The following SUN1 variants were observed in gnomAD, a reference collection of about 807,000 sequenced individuals.
The protein encoded by SUN1 is Sad1 and UNC84 domain containing 1, also known as SUN domain-containing protein 1.
In SUN1, 61 loss-of-function variants were observed where a neutral mutation model predicts 103.2. The observed-to-expected ratio is 0.59, with a 90% CI of 0.48 to 0.73. SUN1 has a LOEUF of 0.73. Ranked by LOEUF, SUN1 falls within the 30% of genes least tolerant of loss-of-function variation. The pLI, the probability that SUN1 is intolerant of heterozygous loss-of-function variation, is 0.00. For missense variants in SUN1, 1,052 were observed against 1,034.6 expected, an observed-to-expected ratio of 1.02 and a Z score of -0.23; for synonymous variants, 490 against 425.7, an observed-to-expected ratio of 1.15 and a Z score of -1.86.
At chr7:835,742 T>C (rs1213942282) in intron 1 of SUN1, among the ~76,000 whole-genome samples, 1 of 152,234 alleles carries the variant, frequency 6.6e-6, no homozygotes, top group African/African-American at 2.4e-5. Context: ...TGTTGTCAGC[T>C]TGACCCACCC....
intron 17 of SUN1, among the ~76,000 whole-genome samples, chr7:871,183 C>G (rs1211491652): frequency 3.9e-5 from 6 of 152,166 alleles, no homozygotes; most frequent in African/African-American, 1.4e-4. Flanking sequence ...TTTATTTAAT[C>G]TGCATTTCTC....
chr7:821,713 G>A (rs1786217744), intron 1 of SUN1, among the ~76,000 whole-genome samples: 1 of 152,160 alleles, frequency 6.6e-6, no homozygotes, highest in South Asian at 2.1e-4. Flanking sequence ...CAGCGTTTCA[G>A]GGTGAGGTGA....
At chr7:828,023 C>T (rs1202442873), upstream of SUN1, among the ~76,000 whole-genome samples, 6 of 151,966 alleles carry the variant, frequency 3.9e-5, no homozygotes, top group Non-Finnish European at 5.9e-5. Flanking sequence ...CGTGCCTCAG[C>T]CTCCCGAGTA....
At chr7:842,194 GGA>G in intron 3 of SUN1, 64 bp downstream of exon 3, 1 of 1,557,656 alleles carries the variant, frequency 6.4e-7, no homozygotes. Flanking sequence ...ATTATGCTGG[GGA>G]GAGGGGAGGC....
Position 868,218 on chromosome 7 carries a change from G to A in SUN1, c.1981-1131G>A, listed in dbSNP as rs548777495. 1.4e-4 allele frequency among the ~76,000 whole-genome samples: 22 copies of A among 152,372 alleles called. 1 individual carries two copies. Among genetic ancestry groups the A allele is most frequent in the Admixed American group, 1.3e-3 (20 of 15,314 alleles). On this transcript the variant is annotated intron_variant, in intron 16 of 18. Coordinates refer to ENST00000401592, the MANE Select transcript of SUN1 (RefSeq NM_001130965.3). Reference sequence around the variant, plus strand: ...CGTGCACGGTCTCCTCCTCCGTTGCGCACAGCAACGTGGCTGCCTGGGCGC... The same window carrying A: ...CGTGCACGGTCTCCTCCTCCGTTGCACACAGCAACGTGGCTGCCTGGGCGC...
rs543787115 is a variant in SUN1, at chr7:822,359, C to T, written c.-74+5686C>T. Among the ~76,000 whole-genome samples, 24 of 152,236 alleles carry T rather than the reference C, an allele frequency of 1.6e-4. 1 individual carries two copies. The highest frequency in any genetic ancestry group is 5.5e-4 in the African/African-American group (23 of 41,524). On this transcript the variant is annotated intron_variant, in intron 1 of 17. Transcript: ENST00000389574. ...AATGGCTGTAGGTTGTGAGTTTAGG[C>T]GGTAACATCTGTGTGACAGACACTT... is the stretch of plus-strand genomic sequence containing the variant.
chr7:859,794 G>A (rs1046868561), intron 13 of SUN1, among the ~76,000 whole-genome samples: 3 of 152,306 alleles, frequency 2.0e-5, no homozygotes, highest in African/African-American at 7.2e-5. Flanking sequence ...GGGCCTCTCC[G>A]ATGCACCTGT....
chr7:857,602 G>A (rs1828697396), intron 12 of SUN1, among the ~76,000 whole-genome samples: 3 of 152,338 alleles, frequency 2.0e-5, no homozygotes, highest in Non-Finnish European at 4.4e-5. Flanking sequence ...TCCTTGTGCA[G>A]TGTGAACATT....
In SUN1 at chr7:860,344, G is replaced by T; in HGVS notation, c.1741G>T (p.Ala581Ser). 6.2e-7 allele frequency: 1 copy of T among 1,614,198 alleles called. No individual in the cohort carries two copies. Among genetic ancestry groups the T allele is most frequent in the Non-Finnish European group, 8.5e-7 (1 of 1,180,030 alleles). The stretch of plus-strand genomic sequence containing the variant: ...CCCAACCTCAGAAGCCGTGGTGTCT[G>T]CTGTGAGCGAGGCGGGGGCGTCTGG... ...QLPTSEAVVS[A>S]VSEAGASGIT... Residue 581 changes from alanine to serine, a missense_variant, in exon 14 of 19, where the codon GCT becomes TCT. By Grantham distance (99) the Ala-to-Ser change is moderately conservative (BLOSUM62 1). Coordinates refer to ENST00000401592, the MANE Select transcript of SUN1 (RefSeq NM_001130965.3).
In SUN1 at chr7:856,537, C is replaced by T. The variant is rs191138292; in HGVS notation, c.1394+136C>T. The T allele has an allele frequency of 2.5e-4, 228 of 910,048 alleles. No individual in the cohort carries two copies. The African/African-American group carries it at 3.4e-3, about 14-fold the overall frequency. 56.4% of individuals were successfully genotyped at this position (910,048 alleles called of 1,614,324 possible). ...CACCTGAAGGCCCTGAGGTTCGTGC[C>T]GACAGACACTCCTGCTGGGCTGCGT... is the stretch of plus-strand genomic sequence containing the variant. On this transcript the variant is annotated intron_variant, in intron 12 of 18. Transcript: ENST00000401592.
At position 833,957 on chromosome 7, in the gene SUN1, A is replaced by C. The variant is rs549392731; in HGVS notation, c.77+1356A>C. On this transcript the variant is annotated intron_variant, in intron 1 of 18. Coordinates refer to ENST00000401592, the MANE Select transcript of SUN1 (RefSeq NM_001130965.3). Reference sequence around the variant, plus strand: ...TGTTTCTTTACCTTGGGAGAGCAACACTTAATTTCACTGAAATTCACAGCC... The same window carrying C: ...TGTTTCTTTACCTTGGGAGAGCAACCCTTAATTTCACTGAAATTCACAGCC... Among the ~76,000 whole-genome samples, 3 of 152,360 alleles carry C rather than the reference A, an allele frequency of 2.0e-5. No individual in the cohort carries two copies. The East Asian group carries it at 5.8e-4, about 29-fold the overall frequency.
At position 858,044 on chromosome 7, in the gene SUN1, A is replaced by G. The variant is rs1447905568; in HGVS notation, c.1524+87A>G. On this transcript the variant is annotated intron_variant, in intron 13 of 18. Coordinates refer to ENST00000401592, the MANE Select transcript of SUN1 (RefSeq NM_001130965.3). Reference sequence around the variant, plus strand: ...ATGACTTAGGTTTATTAGCTGTTTAATTTTTTATTTATTTATTTATTTTTG... The same window carrying G: ...ATGACTTAGGTTTATTAGCTGTTTAGTTTTTTATTTATTTATTTATTTTTG... 14 of 1,388,756 alleles carry G rather than the reference A, an allele frequency of 1.0e-5. No individual in the cohort carries two copies. In the East Asian group the frequency reaches 3.3e-4, roughly 33 times the overall value. The allele number at this position is 1,388,756 out of a possible 1,614,324, so 86.0% of individuals were successfully genotyped here.
At chr7:864,321 G>A (rs997586619) in intron 15 of SUN1, among the ~76,000 whole-genome samples, 8 of 152,106 alleles carry the variant, frequency 5.3e-5, no homozygotes, top group Admixed American at 1.3e-4. Flanking sequence ...GCTGAGGCGG[G>A]CAGATCACCT....
intron 2 of SUN1, 116 bp downstream of exon 2, chr7:839,102 T>A: frequency 9.2e-7 from 1 of 1,082,884 alleles, no homozygotes; most frequent in Non-Finnish European, 1.3e-6. Context: ...TATGTGTGTG[T>A]ATGTGCGTGT....
intron 5 of SUN1, 181 bp from the exon 6 acceptor site, chr7:851,203 G>T: frequency 2.0e-6 from 1 of 504,126 alleles, no homozygotes; most frequent in Non-Finnish European, 3.6e-6. Flanking sequence ...AAATGGTCAT[G>T]TCAGTGCAAT....
chr7:845,936 C>T (rs1032324554), intron 5 of SUN1, among the ~76,000 whole-genome samples: 4 of 151,832 alleles, frequency 2.6e-5, no homozygotes, highest in African/African-American at 9.7e-5. Flanking sequence ...CGTCAGCCTC[C>T]CCGGTGCTGC....
chr7:851,300 TGGCTTG>T, intron 5 of SUN1, 78 bp from the exon 6 acceptor site: 3 of 1,207,848 alleles, frequency 2.5e-6, no homozygotes, highest in Non-Finnish European at 3.5e-6. Context: ...GTGAAGTGTG[TGGCTTG>T]GGCGTCCCCA....
intron 16 of SUN1, among the ~76,000 whole-genome samples, chr7:868,237 T>C (rs1242921757): frequency 6.6e-6 from 1 of 152,264 alleles, no homozygotes; most frequent in Non-Finnish European, 1.5e-5. Context: ...CGTGGCTGCC[T>C]GGGCGCAGCG....
chr7:861,212 C>T (rs139893150), intron 14 of SUN1, among the ~76,000 whole-genome samples, 168 bp from the exon 15 acceptor site: 3 of 152,246 alleles, frequency 2.0e-5, no homozygotes, highest in East Asian at 3.9e-4. Flanking sequence ...GGCAGTCGGG[C>T]GCAGGACTGG....
Sources: gnomAD v4.1 joint callset for allele counts (sites outside exome capture counted in the v4.1 genomes callset) on GRCh38, gnomAD v4.1.1 for gene constraint, MANE v1.5 for transcripts, NCBI Gene and HGNC (gene_info 2026-07-23, HGNC 2026-07-21) for gene names.